Variants in FMNL2 observed in about 807,000 individuals in gnomAD.
FMNL2 encodes the protein formin-like protein 2.
Under a neutral mutation model 130.2 loss-of-function variants are expected in FMNL2, and 51 were observed. The ratio of observed to expected loss-of-function variants is 0.39; its 90% CI spans 0.31 to 0.49. The LOEUF is 0.49. Ranked by LOEUF, FMNL2 falls within the 20% of genes least tolerant of loss-of-function variation. The probability of loss-of-function intolerance (pLI) is 0.85; values close to 1 mark genes in which losing one functional copy is unlikely to be tolerated. For synonymous variants in FMNL2, 465 were observed against 467.1 expected, an observed-to-expected ratio of 1.00 and a Z score of 0.06; for missense variants, 977 against 1,316.2, an observed-to-expected ratio of 0.74 and a Z score of 3.99.
At chr2:152,596,206 G>A (rs868719836) in intron 9 of FMNL2, among the ~76,000 whole-genome samples, 3 of 151,576 alleles carry the variant, frequency 2.0e-5, no homozygotes, top group South Asian at 2.1e-4. Flanking sequence ...CAAGTGATCC[G>A]CCCACCTCGG....
chr2:152,426,702 A>G (rs1367781994), intron 1 of FMNL2, among the ~76,000 whole-genome samples: 1 of 151,880 alleles, frequency 6.6e-6, no homozygotes, highest in Non-Finnish European at 1.5e-5. Flanking sequence ...TTTGAGAAAC[A>G]CAGAAGCATA....
chr2:152,597,571 G>T (rs898344654), intron 9 of FMNL2, among the ~76,000 whole-genome samples: 1 of 152,178 alleles, frequency 6.6e-6, no homozygotes, highest in Non-Finnish European at 1.5e-5. Context: ...TGAATACAGG[G>T]ATTACTGGTA....
At chr2:152,626,409 A>G in intron 16 of FMNL2, 116 bp from the exon 17 acceptor site, 2 of 809,380 alleles carry the variant, frequency 2.5e-6, no homozygotes, top group Non-Finnish European at 3.9e-6. Context: ...AGCCATGGCC[A>G]AAGACAAGTA....
At position 152,626,546 on chromosome 2, in the gene FMNL2, G is replaced by A; in HGVS notation, c.1984G>A (p.Glu662Lys). The A allele has an allele frequency of 6.2e-7, 1 of 1,608,548 alleles. No individual in the cohort carries two copies. Among genetic ancestry groups the A allele is most frequent in the Non-Finnish European group, 8.5e-7 (1 of 1,177,148 alleles). ...ILEDLNVDEF[E>K]EIFKTKAQGP... The stretch of plus-strand genomic sequence containing the variant: ...TTAGGATTTAAATGTGGATGAATTT[G>A]AGGAAATATTCAAGACAAAAGCCCA... Residue 662 changes from glutamate to lysine, a missense_variant, in exon 17 of 26, where the codon GAG becomes AAG. Glu to Lys is a moderately conservative substitution (Grantham distance 56). Coordinates refer to ENST00000288670, the MANE Select transcript of FMNL2 (RefSeq NM_052905.4).
Position 152,335,514 on chromosome 2 carries a change from C to G in FMNL2, c.-90C>G. On this transcript the variant is annotated 5_prime_UTR_variant, in exon 1 of 26. Transcript: ENST00000288670. ...CGGGGAGCCGGGCAGGTCGCGCCTG[C>G]GGGCGGCAGCCGACCGCCGGGAGCT... 9.8e-7 allele frequency: 1 copy of G among 1,015,530 alleles called. No individual in the cohort carries two copies. 62.9% of individuals were successfully genotyped at this position (1,015,530 alleles called of 1,614,324 possible). A position where few individuals can be genotyped will look rare whatever the true frequency, so the allele number is the denominator to read the frequency against.
In FMNL2 at chr2:152,628,612, G is replaced by T. The variant is rs531246198; in HGVS notation, c.2400+79G>T. ...ATTTTTTAAAGTCTCTCCCAGAATC[G>T]TACTCAGTGTGATGGGTTCTAAAGA... is the stretch of plus-strand genomic sequence containing the variant. On this transcript the variant is annotated intron_variant, in intron 18 of 25. Transcript: ENST00000288670. 89 of 1,271,160 alleles carry T rather than the reference G, an allele frequency of 7.0e-5. 1 individual carries two copies. In the South Asian group the frequency reaches 7.9e-4, roughly 11 times the overall value. The allele number at this position is 1,271,160 out of a possible 1,614,324, so 78.7% of individuals were successfully genotyped here.
At chr2:152,607,282 A>G in intron 9 of FMNL2, 57 bp from the exon 10 acceptor site, 1 of 1,410,012 alleles carries the variant, frequency 7.1e-7, no homozygotes, top group Non-Finnish European at 1.0e-6. Context: ...TTCTGCATCT[A>G]ATTTTGGAAT....
intron 2 of FMNL2, 54 bp downstream of exon 2, chr2:152,522,080 A>G: frequency 2.1e-6 from 3 of 1,439,008 alleles, no homozygotes; most frequent in Non-Finnish European, 2.9e-6. Context: ...GAAGAGATCC[A>G]GTGTGAATTT....
intron 25 of FMNL2, among the ~76,000 whole-genome samples, chr2:152,646,464 T>G (rs1683574977): frequency 6.6e-6 from 1 of 152,132 alleles, no homozygotes; most frequent in African/African-American, 2.4e-5. Flanking sequence ...TCCAACTTCT[T>G]TTTGCTGTGT....
chr2:152,379,588 G>A (rs1163707324), intron 1 of FMNL2, among the ~76,000 whole-genome samples: 1 of 152,082 alleles, frequency 6.6e-6, no homozygotes, highest in Non-Finnish European at 1.5e-5. Context: ...GTTTTTAAGA[G>A]TGTTATATAT....
chr2:152,616,098 CCTGGTTTT>C (rs1698930421), intron 12 of FMNL2, among the ~76,000 whole-genome samples: 1 of 152,124 alleles, frequency 6.6e-6, no homozygotes, highest in Non-Finnish European at 1.5e-5. Flanking sequence ...ACCTTGCCTC[CCTGGTTTT>C]CTTTACTTGT....
At chr2:152,448,634 A>G (rs1479619109) in intron 1 of FMNL2, among the ~76,000 whole-genome samples, 1 of 152,208 alleles carries the variant, frequency 6.6e-6, no homozygotes, top group Admixed American at 6.5e-5. Context: ...ATTGAATACT[A>G]TCTGAAACCA....
chr2:152,503,952 G>A (rs990340226), intron 1 of FMNL2, among the ~76,000 whole-genome samples: 16 of 152,206 alleles, frequency 1.1e-4, no homozygotes, highest in Non-Finnish European at 1.9e-4. Flanking sequence ...CGCTTTGGGA[G>A]GCCGAGGCGG....
At chr2:152,512,108 C>T (rs1692525389) in intron 1 of FMNL2, among the ~76,000 whole-genome samples, 1 of 152,138 alleles carries the variant, frequency 6.6e-6, no homozygotes, top group African/African-American at 2.4e-5. Flanking sequence ...TCTAGCATCT[C>T]AAGTGTGGCC....
intron 1 of FMNL2, among the ~76,000 whole-genome samples, chr2:152,447,132 T>C (rs1688387120): frequency 2.0e-5 from 3 of 152,074 alleles, no homozygotes; most frequent in Admixed American, 2.0e-4. Flanking sequence ...AGTTTCTTAC[T>C]TTGTTGCCCA....
At position 152,615,713 on chromosome 2, in the gene FMNL2, A is replaced by G. The variant is rs569195643; in HGVS notation, c.1212+713A>G. Reference sequence around the variant, plus strand: ...AACAGAAAAATGGTGCTTCTCAAAAACCCAAGCATTATGAAGACCAAATTC... The same window carrying G: ...AACAGAAAAATGGTGCTTCTCAAAAGCCCAAGCATTATGAAGACCAAATTC... On this transcript the variant is annotated intron_variant, in intron 12 of 25. Coordinates refer to ENST00000288670, the MANE Select transcript of FMNL2 (RefSeq NM_052905.4). 1.1e-4 allele frequency among the ~76,000 whole-genome samples: 17 copies of G among 152,284 alleles called. No homozygotes were observed. The South Asian group carries it at 3.5e-3, about 32-fold the overall frequency.
At chr2:152,435,539 T>C (rs1687707679) in intron 1 of FMNL2, among the ~76,000 whole-genome samples, 1 of 151,494 alleles carries the variant, frequency 6.6e-6, no homozygotes, top group African/African-American at 2.4e-5. Flanking sequence ...GGATGTACAC[T>C]GATATTAGGA....
At chr2:152,646,584 G>A (rs192059808) in intron 25 of FMNL2, among the ~76,000 whole-genome samples, 47 of 150,266 alleles carry the variant, frequency 3.1e-4, no homozygotes, top group Admixed American at 5.3e-4. Context: ...TACATGTGCG[G>A]GGGGTGGGGG....
chr2:152,613,922 A>T (rs1698814057), intron 11 of FMNL2, among the ~76,000 whole-genome samples: 1 of 152,176 alleles, frequency 6.6e-6, no homozygotes, highest in Non-Finnish European at 1.5e-5. Context: ...CAGGATGCCT[A>T]GTTTGGGAGG....
Sources: allele counts gnomAD v4.1 joint callset (sites outside exome capture counted in the v4.1 genomes callset), GRCh38; gene constraint gnomAD v4.1.1; transcripts MANE v1.5; gene names NCBI Gene and HGNC (gene_info 2026-07-23, HGNC 2026-07-21).